The following SPATA13 variants were observed in gnomAD, a reference collection of about 807,000 sequenced individuals.
SPATA13 encodes spermatogenesis associated 13.
A neutral mutation model predicts 104.0 loss-of-function variants in SPATA13; 50 were observed. The ratio of observed to expected loss-of-function variants is 0.48; its 90% CI spans 0.38 to 0.61. The LOEUF (loss-of-function observed/expected upper bound fraction) is 0.61. SPATA13 is among the 20% of genes least tolerant of loss of function. SPATA13 has a pLI of 0.00. For missense variants in SPATA13, 1,524 were observed against 1,690.6 expected (o/e 0.90, Z 1.73); for synonymous variants, 606 against 667.5 (o/e 0.91, Z 1.42).
chr13:24,121,671 G>A (rs1881033515), intron 3 of SPATA13, among the ~76,000 whole-genome samples: 1 of 152,130 alleles, frequency 6.6e-6, no homozygotes, highest in Non-Finnish European at 1.5e-5. Context: ...CTACCTTTGA[G>A]TTTTATACTG....
chr13:24,111,353 G>A (rs1313740940), intron 3 of SPATA13, among the ~76,000 whole-genome samples: 1 of 151,976 alleles, frequency 6.6e-6, no homozygotes, highest in East Asian at 1.9e-4. Context: ...CATGAATCTT[G>A]CCTCCTGGAA....
intron 2 of SPATA13, among the ~76,000 whole-genome samples, chr13:24,233,803 G>A (rs548617165): frequency 2.0e-5 from 3 of 151,838 alleles, no homozygotes; most frequent in South Asian, 4.2e-4. Flanking sequence ...CCAGAGTGAG[G>A]ACCCCCTGGG....
At chr13:24,200,267 T>C (rs1268001105) in intron 1 of SPATA13, among the ~76,000 whole-genome samples, 1 of 152,222 alleles carries the variant, frequency 6.6e-6, no homozygotes, top group Non-Finnish European at 1.5e-5. Context: ...GATTTGAACA[T>C]GGGCCTATCT....
rs1877621599 is a variant in SPATA13, at chr13:24,307,031, T to C, written c.*4258T>C. ...ATGATTTTTTTAAATGCTGTGAATC[T>C]ATATTTGTTGTTTTGTATATTAAAA... On this transcript the variant is annotated 3_prime_UTR_variant, in exon 13 of 13. Coordinates refer to ENST00000382108, the MANE Select transcript of SPATA13 (RefSeq NM_001166271.3). The C allele has an allele frequency of 1.3e-5, 2 of 152,268 alleles. No individual in the cohort carries two copies. The highest frequency in any genetic ancestry group is 4.1e-4 in the South Asian group (2 of 4,834). 9.4% of individuals were successfully genotyped at this position (152,268 alleles called of 1,614,324 possible).
intron 1 of SPATA13, among the ~76,000 whole-genome samples, chr13:24,212,073 T>G (rs1472665105): frequency 6.6e-6 from 1 of 152,018 alleles, no homozygotes; most frequent in Non-Finnish European, 1.5e-5. Flanking sequence ...AAATATTTAC[T>G]GAATGAATGA....
intron 1 of SPATA13, among the ~76,000 whole-genome samples, chr13:24,215,256 G>A (rs567589670): frequency 1.3e-5 from 2 of 152,334 alleles, no homozygotes; most frequent in East Asian, 3.9e-4. Context: ...GAGGCAGGGA[G>A]GGCTTGCAAG....
At chr13:24,273,510 G>A (rs1361285443) in intron 4 of SPATA13, among the ~76,000 whole-genome samples, 1 of 152,156 alleles carries the variant, frequency 6.6e-6, no homozygotes, top group East Asian at 1.9e-4. Flanking sequence ...AGATATACTA[G>A]TGACTTTTCC....
intron 2 of SPATA13, among the ~76,000 whole-genome samples, chr13:24,016,477 G>T (rs750161789): frequency 4.6e-5 from 7 of 152,212 alleles, no homozygotes; most frequent in Non-Finnish European, 1.0e-4. Context: ...TTGGTGCCTG[G>T]GCAGCTATGA....
chr13:24,256,396 A>G (rs1047063880), intron 4 of SPATA13, among the ~76,000 whole-genome samples: 8 of 152,184 alleles, frequency 5.3e-5, no homozygotes, highest in African/African-American at 9.7e-5. Context: ...AATTACCCTG[A>G]TTTGCTCATT....
chr13:24,224,426 G>A lies in SPATA13; in HGVS notation c.1497G>A (p.Glu499=), dbSNP rs201566338. Residue 499 remains glutamate, a synonymous_variant, in exon 2 of 13, where the codon GAG becomes GAA. Transcript: ENST00000382108. The part of the protein sequence containing the change: ...SNHSALSANS[E]ESEGRAEEPA... ...ACAGTGCCCTGTCCGCGAATTCAGA[G>A]GAAAGTGAAGGAAGGGCAGAAGAGC... is the stretch of plus-strand genomic sequence containing the variant. 2.5e-4 allele frequency: 385 copies of A among 1,551,726 alleles called. No homozygotes were observed. The highest frequency in any genetic ancestry group is 1.7e-4 in the Middle Eastern group (1 of 5,992).
chr13:24,027,155 G>T (rs539299435), intron 3 of SPATA13, among the ~76,000 whole-genome samples: 173 of 47,062 alleles, frequency 3.7e-3, no homozygotes, highest in African/African-American at 0.013. Flanking sequence ...TTTTTTTTGA[G>T]ACGGAGTCTA....
In SPATA13 at chr13:24,164,181, G is replaced by A. The variant is rs369694227; in HGVS notation, c.-112+3249G>A. ...TTACATTTGTGGAGAGAAATGCATT[G>A]GTACAAAGTGCTTACCTGATTTTCC... On this transcript the variant is annotated intron_variant, in intron 1 of 12. Coordinates refer to ENST00000382108, the MANE Select transcript of SPATA13 (RefSeq NM_001166271.3). 1.5e-3 allele frequency among the ~76,000 whole-genome samples: 227 copies of A among 152,284 alleles called. 1 individual carries two copies. Among genetic ancestry groups the A allele is most frequent in the African/African-American group, 4.1e-3 (169 of 41,566 alleles).
chr13:24,117,972 T>C (rs1309959088), intron 3 of SPATA13, among the ~76,000 whole-genome samples: 1 of 152,238 alleles, frequency 6.6e-6, no homozygotes, highest in African/African-American at 2.4e-5. Flanking sequence ...AAAAATGGCA[T>C]TAGAAAAACT....
chr13:24,233,958 C>G (rs1209361447), intron 2 of SPATA13, among the ~76,000 whole-genome samples: 1 of 151,452 alleles, frequency 6.6e-6, no homozygotes, highest in African/African-American at 2.4e-5. Context: ...AATGCAGAAT[C>G]TAAATAAAAT....
At chr13:23,995,438 T>G (rs960706567) in intron 2 of SPATA13, among the ~76,000 whole-genome samples, 1 of 152,216 alleles carries the variant, frequency 6.6e-6, no homozygotes, top group African/African-American at 2.4e-5. Flanking sequence ...AATAACTGAT[T>G]ATGCTGATAA....
intron 2 of SPATA13, among the ~76,000 whole-genome samples, chr13:24,009,031 G>T (rs919734532): frequency 4.6e-5 from 7 of 152,196 alleles, no homozygotes; most frequent in African/African-American, 1.7e-4. Flanking sequence ...TGCTGCCAGG[G>T]GCATGCCATC....
At chr13:24,252,874 G>A (rs1314838714) in intron 4 of SPATA13, 1 of 152,254 alleles carries the variant, frequency 6.6e-6, no homozygotes. Context: ...ACCGGAAGGT[G>A]TGTGATGGGA....
intron 3 of SPATA13, among the ~76,000 whole-genome samples, chr13:24,063,170 G>A (rs549287318): frequency 2.6e-5 from 4 of 152,274 alleles, no homozygotes; most frequent in Admixed American, 6.5e-5. Flanking sequence ...TCTGCCCCAC[G>A]TGAGGGTGAG....
chr13:24,082,548 C>T (rs532529043), intron 3 of SPATA13, among the ~76,000 whole-genome samples: 41 of 152,182 alleles, frequency 2.7e-4, no homozygotes, highest in Admixed American at 2.0e-3. Flanking sequence ...TGGCCGGGCG[C>T]GGTGGCTCAC....
Sources: gnomAD v4.1 joint callset for allele counts (sites outside exome capture counted in the v4.1 genomes callset) on GRCh38, gnomAD v4.1.1 for gene constraint, MANE v1.5 for transcripts, NCBI Gene and HGNC (gene_info 2026-07-23, HGNC 2026-07-21) for gene names.